Variants in NRXN3 observed in about 807,000 individuals in gnomAD.
NRXN3 encodes neurexin 3.
Under a neutral mutation model 137.6 loss-of-function variants are expected in NRXN3, and 32 were observed. The ratio of observed to expected loss-of-function variants is 0.23; its 90% CI spans 0.18 to 0.31. The LOEUF is 0.31. Among genes scored for constraint, NRXN3 ranks in the 10% least tolerant of loss-of-function variants. The probability of loss-of-function intolerance (pLI) is 1.00; values close to 1 mark genes in which losing one functional copy is unlikely to be tolerated. For synonymous variants in NRXN3, 798 were observed against 784.5 expected, an observed-to-expected ratio of 1.02 and a Z score of -0.29; for missense variants, 1,574 against 2,062.5, an observed-to-expected ratio of 0.76 and a Z score of 4.59.
rs114479904 is a variant in NRXN3, at chr14:78,523,390, G to A, written c.758-121730G>A. On this transcript the variant is annotated intron_variant, in intron 4 of 20. Transcript: ENST00000335750. ...TTTTGTTCATAACTCGCAATAATTT[G>A]GTTGCTGCATAGGGCTTAGCCTCAA... 8.7e-3 allele frequency among the ~76,000 whole-genome samples: 1,326 copies of A among 152,216 alleles called. 18 individuals are homozygous for A. The highest frequency in any genetic ancestry group is 0.03 in the African/African-American group (1,246 of 41,512).
chr14:78,504,791 C>T (rs1236193585), intron 4 of NRXN3, among the ~76,000 whole-genome samples: 5 of 152,208 alleles, frequency 3.3e-5, no homozygotes, highest in East Asian at 1.9e-4. Context: ...CAGTGCTTAA[C>T]GTATACTGTG....
intron 8 of NRXN3, among the ~76,000 whole-genome samples, chr14:78,758,383 T>C (rs972493052): frequency 1.3e-5 from 2 of 152,254 alleles, no homozygotes; most frequent in African/African-American, 4.8e-5. Flanking sequence ...ACATGACTAA[T>C]GACAGCTGAG....
intron 1 of NRXN3, among the ~76,000 whole-genome samples, chr14:78,189,608 A>G (rs1275778133): frequency 1.3e-5 from 2 of 150,642 alleles, no homozygotes. Context: ...CTTTTTTGAG[A>G]TGGAGTCTTG....
intron 16 of NRXN3, among the ~76,000 whole-genome samples, chr14:79,548,770 AT>A (rs879837002): frequency 2.0e-4 from 30 of 151,774 alleles, no homozygotes; most frequent in Non-Finnish European, 3.8e-4. Context: ...AACAAAAAAA[AT>A]CATGTTCCCT....
chr14:79,174,994 T>TTC (rs1342254798), intron 15 of NRXN3, among the ~76,000 whole-genome samples: 27 of 151,356 alleles, frequency 1.8e-4, no homozygotes, highest in Admixed American at 1.8e-3. Context: ...TTTTTTTTTT[T>TTC]TTCTGAGGCG....
intron 10 of NRXN3, among the ~76,000 whole-genome samples, chr14:78,839,836 T>C (rs2152437358): frequency 6.6e-6 from 1 of 152,334 alleles, no homozygotes; most frequent in East Asian, 1.9e-4. Flanking sequence ...ACTACACAGC[T>C]AGCTCTTGCT....
intron 4 of NRXN3, among the ~76,000 whole-genome samples, chr14:78,348,367 A>G (rs956105628): frequency 6.6e-6 from 1 of 152,192 alleles, no homozygotes; most frequent in African/African-American, 2.4e-5. Context: ...TTGACACTGA[A>G]TAAGTCTGTA....
Position 79,034,349 on chromosome 14 carries a change from T to TACACACACACACACACACACACACAC in NRXN3, c.3262+46212_3262+46237dup, listed in dbSNP as rs56226324. On this transcript the variant is annotated intron_variant, in intron 15 of 20. Coordinates refer to ENST00000335750, the MANE Select transcript of NRXN3 (RefSeq NM_001330195.2). ...TACTATAATTATGGTTCTTATTTCT[T>TACACACACACACACACACACACACAC]ACACACACACACACACACACACACA... 3.0e-3 allele frequency among the ~76,000 whole-genome samples: 428 copies of TACACACACACACACACACACACACAC among 144,514 alleles called. 2 individuals are homozygous for TACACACACACACACACACACACACAC. Among genetic ancestry groups the TACACACACACACACACACACACACAC allele is most frequent in the Middle Eastern group, 7.3e-3 (2 of 274 alleles). 94.8% of individuals were successfully genotyped at this position (144,514 alleles called of 152,430 possible). A position where few individuals can be genotyped will look rare whatever the true frequency, so the allele number is the denominator to read the frequency against.
At chr14:78,401,944 C>T (rs546718633) in intron 4 of NRXN3, among the ~76,000 whole-genome samples, 1 of 152,334 alleles carries the variant, frequency 6.6e-6, no homozygotes, top group East Asian at 1.9e-4. Context: ...TCCAGGTTTG[C>T]TGAATTCCAA....
intron 16 of NRXN3, among the ~76,000 whole-genome samples, chr14:79,556,647 C>T (rs923340057): frequency 6.6e-6 from 1 of 152,156 alleles, no homozygotes; most frequent in Non-Finnish European, 1.5e-5. Flanking sequence ...CCTCACCCTC[C>T]TGGGTTCAAG....
intron 8 of NRXN3, among the ~76,000 whole-genome samples, chr14:78,785,050 A>G (rs886831977): frequency 5.3e-5 from 8 of 152,218 alleles, no homozygotes; most frequent in African/African-American, 1.9e-4. Flanking sequence ...AAGTGATATG[A>G]TTAGATTGGT....
chr14:79,268,607 C>T (rs1022114248), intron 15 of NRXN3, among the ~76,000 whole-genome samples: 1 of 152,136 alleles, frequency 6.6e-6, no homozygotes, highest in African/African-American at 2.4e-5. Flanking sequence ...AGAAAGAAAA[C>T]GTCAGCCTCT....
chr14:79,468,256 A>C (rs1202044171), intron 16 of NRXN3, among the ~76,000 whole-genome samples: 1 of 152,192 alleles, frequency 6.6e-6, no homozygotes, highest in East Asian at 1.9e-4. Context: ...AGGATGGAAA[A>C]TATTTTTACA....
intron 4 of NRXN3, among the ~76,000 whole-genome samples, chr14:78,575,681 A>T (rs1032779177): frequency 6.6e-6 from 1 of 152,240 alleles, no homozygotes; most frequent in African/African-American, 2.4e-5. Flanking sequence ...ATAAATATAC[A>T]GTATTCTAGA....
At chr14:79,037,954 T>G (rs2152518861) in intron 15 of NRXN3, among the ~76,000 whole-genome samples, 1 of 152,112 alleles carries the variant, frequency 6.6e-6, no homozygotes, top group East Asian at 1.9e-4. Context: ...AAATATCAGG[T>G]TAGGCTGAAA....
intron 15 of NRXN3, among the ~76,000 whole-genome samples, chr14:79,021,741 A>G (rs2099590015): frequency 6.6e-6 from 1 of 152,206 alleles, no homozygotes; most frequent in Non-Finnish European, 1.5e-5. Context: ...CAGTGCCTAA[A>G]CACCGGAAGC....
At chr14:79,358,607 G>GAAAGAGAAAGAA (rs10667477) in intron 15 of NRXN3, among the ~76,000 whole-genome samples, 3,762 of 79,766 alleles carry the variant, frequency 0.047, 215 homozygotes, top group Non-Finnish European at 0.058. Context: ...AAGAAAGAAA[G>GAAAGAGAAAGAA]AGAAAGAAAG....
chr14:78,986,800 A>G (rs2099506887), intron 14 of NRXN3, among the ~76,000 whole-genome samples: 1 of 152,046 alleles, frequency 6.6e-6, no homozygotes, highest in African/African-American at 2.4e-5. Context: ...AGGTGGGCAG[A>G]TCACGAGGTC....
chr14:79,206,458 C>T (rs2066803037), intron 15 of NRXN3, among the ~76,000 whole-genome samples: 1 of 152,170 alleles, frequency 6.6e-6, no homozygotes, highest in Non-Finnish European at 1.5e-5. Flanking sequence ...GGTCCATCAT[C>T]TCTTCTTGAC....
Sources: allele counts gnomAD v4.1 joint callset (sites outside exome capture counted in the v4.1 genomes callset), GRCh38; gene constraint gnomAD v4.1.1; transcripts MANE v1.5; gene names NCBI Gene and HGNC (gene_info 2026-07-23, HGNC 2026-07-21).